STK32C: variants seen among roughly 807,000 people sequenced by gnomAD.
STK32C encodes serine/threonine kinase 32C.
In STK32C, 31 loss-of-function variants were observed where a neutral mutation model predicts 56.5. That is an observed-to-expected ratio of 0.55 (90% CI 0.41 to 0.74). The LOEUF (loss-of-function observed/expected upper bound fraction) is 0.74. Among genes scored for constraint, STK32C ranks in the 30% least tolerant of loss-of-function variants. STK32C has a pLI of 0.00. For missense variants in STK32C, 544 were observed against 676.9 expected (o/e 0.80, Z 2.18); for synonymous variants, 309 against 289.4 (o/e 1.07, Z -0.69).
chr10:132,331,425 A>C, intron 1 of STK32C: 2 of 1,604,908 alleles, frequency 1.2e-6, no homozygotes, highest in South Asian at 2.2e-5. Context: ...ACCCTTCCTC[A>C]GGACACTCAC....
At chr10:132,296,375 G>A (rs188062897) in intron 1 of STK32C, among the ~76,000 whole-genome samples, 26 of 152,148 alleles carry the variant, frequency 1.7e-4, no homozygotes, top group Admixed American at 5.2e-4. Flanking sequence ...AGTTCACAAC[G>A]AGGTATGGAT....
At chr10:132,304,414 G>A (rs761875201) in intron 1 of STK32C, among the ~76,000 whole-genome samples, 1 of 152,140 alleles carries the variant, frequency 6.6e-6, no homozygotes, top group Admixed American at 6.5e-5. Context: ...TGAATGACTC[G>A]GGTCCACAGC....
chr10:132,313,435 T>C (rs2066257293), intron 1 of STK32C, among the ~76,000 whole-genome samples: 2 of 152,244 alleles, frequency 1.3e-5, no homozygotes. Context: ...TGCTAGGCAC[T>C]GCAGCAGACA....
chr10:132,235,340 CA>C (rs1169854651), intron 2 of STK32C, among the ~76,000 whole-genome samples: 1 of 151,688 alleles, frequency 6.6e-6, no homozygotes, highest in Non-Finnish European at 1.5e-5. Context: ...TACTAAAATA[CA>C]AAAAATTAGC....
At chr10:132,260,285 C>A (rs1286287793) in intron 1 of STK32C, among the ~76,000 whole-genome samples, 1 of 152,222 alleles carries the variant, frequency 6.6e-6, no homozygotes, top group Non-Finnish European at 1.5e-5. Flanking sequence ...AGCCCACCCC[C>A]AGAGTCCGGC....
At chr10:132,262,951 G>A (rs2064354293) in intron 1 of STK32C, among the ~76,000 whole-genome samples, 1 of 152,114 alleles carries the variant, frequency 6.6e-6, no homozygotes, top group South Asian at 2.1e-4. Flanking sequence ...AACAGATGCT[G>A]GCAAGACTGC....
chr10:132,260,580 C>T (rs1209947198), intron 1 of STK32C, among the ~76,000 whole-genome samples: 7 of 152,216 alleles, frequency 4.6e-5, no homozygotes, highest in African/African-American at 1.4e-4. Context: ...CACCTTCGGA[C>T]TGTGTCATTC....
At chr10:132,208,994 C>CG (rs771514780) in intron 11 of STK32C, 40 bp downstream of exon 11, 1 of 1,597,218 alleles carries the variant, frequency 6.3e-7, no homozygotes, top group Non-Finnish European at 8.6e-7. Flanking sequence ...CCATTTTCCT[C>CG]CTCTCTGCCA....
intron 1 of STK32C, among the ~76,000 whole-genome samples, chr10:132,260,704 C>T (rs555755843): frequency 2.0e-4 from 31 of 152,368 alleles, no homozygotes; most frequent in Non-Finnish European, 8.8e-5. Context: ...GTGCCCCATG[C>T]AGTGCTCATG....
chr10:132,278,757 CAAAAAAA>C (rs60685458), intron 1 of STK32C, among the ~76,000 whole-genome samples: 5 of 90,408 alleles, frequency 5.5e-5, no homozygotes, highest in South Asian at 7.2e-4. Flanking sequence ...GAGACTGTCT[CAAAAAAA>C]AAAAAAAAAA....
chr10:132,258,781 G>A (rs939085815), intron 1 of STK32C, among the ~76,000 whole-genome samples: 1 of 152,224 alleles, frequency 6.6e-6, no homozygotes, highest in Admixed American at 6.5e-5. Context: ...CCACACGGTC[G>A]CACACCTCAG....
At chr10:132,247,476 C>T (rs992349451) in intron 1 of STK32C, among the ~76,000 whole-genome samples, 7 of 152,162 alleles carry the variant, frequency 4.6e-5, no homozygotes, top group Admixed American at 2.0e-4. Flanking sequence ...TTCAGGGCTC[C>T]GAGCACAGGG....
chr10:132,308,137 G>A (rs147222310), upstream of STK32C, among the ~76,000 whole-genome samples: 2,163 of 151,640 alleles, frequency 0.014, 40 homozygotes, highest in South Asian at 0.045. Context: ...GGCAGGGGCG[G>A]GGCTAGTGCC....
At position 132,301,344 on chromosome 10, in the gene STK32C, A is replaced by G. The variant is rs554840203; in HGVS notation, c.262+6228T>C. On this transcript the variant is annotated intron_variant, in intron 1 of 11. Transcript: ENST00000298630. ...CAGGAAGAGACAGGGTCAGGGCCACAGGGCACAGGCCCTTACTTGATGTAA... is the reference window on the plus strand; with the variant it reads ...CAGGAAGAGACAGGGTCAGGGCCACGGGGCACAGGCCCTTACTTGATGTAA... Among the ~76,000 whole-genome samples, 25 of 152,352 alleles carry G rather than the reference A, an allele frequency of 1.6e-4. No individual in the cohort carries two copies. In the South Asian group the frequency reaches 5.2e-3, roughly 32 times the overall value.
chr10:132,239,654 G>T (rs560634404), intron 2 of STK32C, among the ~76,000 whole-genome samples: 1 of 152,218 alleles, frequency 6.6e-6, no homozygotes, highest in African/African-American at 2.4e-5. Flanking sequence ...CCAGCCGCCC[G>T]CAGTGACTGC....
chr10:132,224,066 C>T (rs575000467), intron 8 of STK32C, among the ~76,000 whole-genome samples: 17 of 144,694 alleles, frequency 1.2e-4, no homozygotes, highest in East Asian at 7.0e-4. Flanking sequence ...CCTTCCAATA[C>T]GTGGGACAAG....
At chr10:132,324,140 A>G in exon 2 of STK32C, 1 of 688,454 alleles carries the variant, frequency 1.5e-6, no homozygotes, top group Non-Finnish European at 2.7e-6. Context: ...AGCTGGGAAA[A>G]TGGAGGCCAA....
At chr10:132,228,680 C>T (rs1327474953) in intron 2 of STK32C, among the ~76,000 whole-genome samples, 6 of 152,208 alleles carry the variant, frequency 3.9e-5, no homozygotes, top group Non-Finnish European at 7.3e-5. Flanking sequence ...GCAAGCAGCC[C>T]GGAGGGGTAC....
At chr10:132,262,159 T>C (rs1432077445) in intron 1 of STK32C, among the ~76,000 whole-genome samples, 1 of 152,046 alleles carries the variant, frequency 6.6e-6, no homozygotes, top group Non-Finnish European at 1.5e-5. Flanking sequence ...AACCATCTGA[T>C]CTTCGACAAA....
Sources: gnomAD v4.1 joint callset for allele counts (sites outside exome capture counted in the v4.1 genomes callset) on GRCh38, gnomAD v4.1.1 for gene constraint, MANE v1.5 for transcripts, NCBI Gene and HGNC (gene_info 2026-07-23, HGNC 2026-07-21) for gene names.